The following MEGF10 variants were observed in gnomAD, a reference collection of about 807,000 sequenced individuals.
MEGF10 encodes the protein multiple epidermal growth factor-like domains protein 10.
Under a neutral mutation model 147.5 loss-of-function variants are expected in MEGF10, and 86 were observed. The ratio of observed to expected loss-of-function variants is 0.58; its 90% confidence interval spans 0.49 to 0.70. The LOEUF (loss-of-function observed/expected upper bound fraction) is 0.70. Among genes scored for constraint, MEGF10 ranks in the 30% least tolerant of loss-of-function variants. The probability of loss-of-function intolerance (pLI) is 0.00; values close to 1 mark genes in which losing one functional copy is unlikely to be tolerated. For synonymous variants in MEGF10, 478 were observed against 525.5 expected, an observed-to-expected ratio of 0.91 and a Z score of 1.24; for missense variants, 1,329 against 1,487.3, an observed-to-expected ratio of 0.89 and a Z score of 1.75.
At chr5:127,430,221 G>A (rs1765347316) in intron 13 of MEGF10, among the ~76,000 whole-genome samples, 1 of 152,136 alleles carries the variant, frequency 6.6e-6, no homozygotes, top group South Asian at 2.1e-4. Flanking sequence ...ACCAGTAGCT[G>A]GCCAGATCCC....
At chr5:127,283,161 AGAAGATCATACTACAG>A in the MEGF10 span, among the ~76,000 whole-genome samples, 1 of 152,254 alleles carries the variant, frequency 6.6e-6, no homozygotes, top group African/African-American at 2.4e-5. Flanking sequence ...TGCAGACAAA[AGAAGATCATACTACAG>A]GAAATGTTTT....
chr5:127,458,787 G>A lies in MEGF10; in HGVS notation c.*1469G>A, dbSNP rs886059867. ...AGAAAGGAAACGTTGTTACTGATGAGTACCACAGACTCATCTTAAAAAAAA... is the reference window on the plus strand; with the variant it reads ...AGAAAGGAAACGTTGTTACTGATGAATACCACAGACTCATCTTAAAAAAAA... On this transcript the variant is annotated 3_prime_UTR_variant, in exon 25 of 25. Coordinates refer to ENST00000503335, the MANE Select transcript of MEGF10 (RefSeq NM_001256545.2). The A allele has an allele frequency of 1.3e-5, 2 of 152,038 alleles. No individual in the cohort carries two copies. The highest frequency in any genetic ancestry group is 2.9e-5 in the Non-Finnish European group (2 of 68,030). 9.4% of individuals were successfully genotyped at this position (152,038 alleles called of 1,614,324 possible).
At chr5:127,282,537 G>A in the MEGF10 span, among the ~76,000 whole-genome samples, 69,119 of 152,046 alleles carry the variant, frequency 0.45, 16,092 homozygotes, top group Middle Eastern at 0.6. Flanking sequence ...TGACCAATTC[G>A]CAGCGCTGTG....
chr5:127,297,805 GA>G (rs768794413), intron 1 of MEGF10, among the ~76,000 whole-genome samples: 1 of 152,092 alleles, frequency 6.6e-6, no homozygotes, highest in Non-Finnish European at 1.5e-5. Context: ...GGATTAGGGG[GA>G]CCTATTGAGA....
the MEGF10 span, among the ~76,000 whole-genome samples, chr5:127,239,542 A>T: frequency 6.7e-6 from 1 of 149,916 alleles, no homozygotes; most frequent in Non-Finnish European, 1.5e-5. Context: ...AGTTAACAAA[A>T]TGTTAACAAT....
intron 8 of MEGF10, 71 bp downstream of exon 8, chr5:127,402,753 G>A (rs1409447989): frequency 2.6e-6 from 4 of 1,533,900 alleles, no homozygotes; most frequent in African/African-American, 1.4e-5. Flanking sequence ...GGTCCGGGGA[G>A]CATCTTCAAT....
chr5:127,277,560 C>T, the MEGF10 span, among the ~76,000 whole-genome samples: 1 of 152,152 alleles, frequency 6.6e-6, no homozygotes, highest in East Asian at 1.9e-4. Context: ...GATGGGAGAA[C>T]ATGGGGGCTA....
At chr5:127,314,032 C>T (rs769029423) in intron 1 of MEGF10, among the ~76,000 whole-genome samples, 32 of 152,110 alleles carry the variant, frequency 2.1e-4, no homozygotes, top group Non-Finnish European at 4.1e-4. Context: ...CCAAGGGCGG[C>T]CCTGAGCTGA....
In MEGF10 at chr5:127,315,568, G is replaced by T. The variant is rs557193254; in HGVS notation, c.-18-15723G>T. Reference sequence around the variant, plus strand: ...ATAGAGGTGAATTGCTTGAGCCCAGGAGTTCAAGACCAGCATGGGCAATAT... The same window carrying T: ...ATAGAGGTGAATTGCTTGAGCCCAGTAGTTCAAGACCAGCATGGGCAATAT... On this transcript the variant is annotated intron_variant, in intron 1 of 24. Transcript: ENST00000503335. Among the ~76,000 whole-genome samples the T allele has an allele frequency of 2.3e-3, 346 of 152,206 alleles. 1 individual carries two copies. The highest frequency in any genetic ancestry group is 6.8e-3 in the Middle Eastern group (2 of 294).
intron 1 of MEGF10, among the ~76,000 whole-genome samples, chr5:127,320,799 T>A (rs530798372): frequency 3.9e-5 from 6 of 152,346 alleles, no homozygotes; most frequent in Admixed American, 1.3e-4. Context: ...TTTGTGGCAA[T>A]GCCTGCTGCG....
At chr5:127,425,992 G>C (rs1006814175) in intron 13 of MEGF10, among the ~76,000 whole-genome samples, 6 of 152,180 alleles carry the variant, frequency 3.9e-5, no homozygotes, top group Non-Finnish European at 1.5e-5. Context: ...CTCTTCCCCT[G>C]ATCAAATCAA....
chr5:127,271,034 G>A, the MEGF10 span, among the ~76,000 whole-genome samples: 1 of 152,150 alleles, frequency 6.6e-6, no homozygotes, highest in African/African-American at 2.4e-5. Flanking sequence ...ATATGTGCAC[G>A]TGTCTTTATA....
chr5:127,374,452 T>C (rs1762953094), intron 5 of MEGF10, among the ~76,000 whole-genome samples: 1 of 152,218 alleles, frequency 6.6e-6, no homozygotes, highest in Non-Finnish European at 1.5e-5. Context: ...TGTTGACGCA[T>C]ACTCCTTTGG....
intron 7 of MEGF10, among the ~76,000 whole-genome samples, chr5:127,401,424 G>A (rs781488130): frequency 3.9e-5 from 6 of 152,174 alleles, no homozygotes; most frequent in African/African-American, 7.2e-5. Flanking sequence ...TTTGTAGATA[G>A]CTAGAAACCA....
intron 1 of MEGF10, among the ~76,000 whole-genome samples, chr5:127,324,534 TCA>T (rs1257309442): frequency 1.3e-5 from 2 of 152,082 alleles, no homozygotes; most frequent in African/African-American, 4.8e-5. Context: ...CATTGGTTTC[TCA>T]CATACTTCCG....
intron 5 of MEGF10, among the ~76,000 whole-genome samples, chr5:127,387,767 T>C (rs1200469489): frequency 2.0e-5 from 3 of 152,212 alleles, no homozygotes; most frequent in Non-Finnish European, 4.4e-5. Context: ...ATTGTGAGGT[T>C]TAAATAAAAT....
At chr5:127,266,385 G>T in the MEGF10 span, among the ~76,000 whole-genome samples, 2 of 152,138 alleles carry the variant, frequency 1.3e-5, no homozygotes, top group Non-Finnish European at 2.9e-5. Flanking sequence ...TTTGGCTTAG[G>T]ATTGTCTTGG....
At chr5:127,319,802 A>G (rs1054659290) in intron 1 of MEGF10, among the ~76,000 whole-genome samples, 1 of 152,240 alleles carries the variant, frequency 6.6e-6, no homozygotes, top group Non-Finnish European at 1.5e-5. Context: ...TTTGTACCCT[A>G]TTAACAGTGG....
At chr5:127,440,295 A>G (rs1235945479) in intron 17 of MEGF10, among the ~76,000 whole-genome samples, 2 of 152,232 alleles carry the variant, frequency 1.3e-5, no homozygotes, top group Non-Finnish European at 1.5e-5. Flanking sequence ...GGACAAGGCT[A>G]GTAGCAACAA....
Sources: allele counts gnomAD v4.1 joint callset (sites outside exome capture counted in the v4.1 genomes callset), GRCh38; gene constraint gnomAD v4.1.1; transcripts MANE v1.5; gene names NCBI Gene and HGNC (gene_info 2026-07-23, HGNC 2026-07-21).